Variants in MDFIC observed in about 807,000 individuals in gnomAD.
MDFIC encodes the protein MyoD family inhibitor domain containing.
In MDFIC, 17 loss-of-function variants were observed where a neutral mutation model predicts 23.2. The observed-to-expected ratio is 0.73, with a 90% CI of 0.50 to 1.10. The LOEUF (loss-of-function observed/expected upper bound fraction) is 1.10, where lower values mean the gene tolerates loss of function less well. MDFIC is among the 50% of genes least tolerant of loss of function. MDFIC has a pLI of 0.00. For missense variants in MDFIC, 356 were observed against 316.6 expected, an observed-to-expected ratio of 1.12 and a Z score of -0.95; for synonymous variants, 120 against 115.2, an observed-to-expected ratio of 1.04 and a Z score of -0.27.
intron 2 of MDFIC, among the ~76,000 whole-genome samples, chr7:114,938,459 C>G (rs1424964661): frequency 6.6e-6 from 1 of 152,072 alleles, no homozygotes; most frequent in East Asian, 1.9e-4. Flanking sequence ...TAAGAGTTCA[C>G]TTAGAATAGT....
chr7:115,003,236 A>T (rs372269758), intron 4 of MDFIC, among the ~76,000 whole-genome samples: 2 of 152,118 alleles, frequency 1.3e-5, no homozygotes, highest in Admixed American at 6.5e-5. Flanking sequence ...CACTGAGTAC[A>T]TTCTTCCTGG....
intron 2 of MDFIC, among the ~76,000 whole-genome samples, chr7:114,930,604 T>A (rs1168431445): frequency 6.6e-6 from 1 of 152,208 alleles, no homozygotes; most frequent in Non-Finnish European, 1.5e-5. Flanking sequence ...CTGGATCTTG[T>A]TGAGATGATT....
chr7:114,928,780 A>G (rs180907554), intron 2 of MDFIC, among the ~76,000 whole-genome samples: 2 of 152,164 alleles, frequency 1.3e-5, no homozygotes, highest in African/African-American at 4.8e-5. Flanking sequence ...AGTTCATAGA[A>G]TGGTTTTGGA....
At chr7:114,972,663 C>T (rs1307358514) in intron 3 of MDFIC, among the ~76,000 whole-genome samples, 1 of 152,148 alleles carries the variant, frequency 6.6e-6, no homozygotes. Flanking sequence ...GGATCTCCGT[C>T]TGTCACTCAG....
chr7:115,007,612 T>A (rs1359597063), intron 4 of MDFIC, among the ~76,000 whole-genome samples: 1 of 139,612 alleles, frequency 7.2e-6, no homozygotes, highest in Non-Finnish European at 1.5e-5. Flanking sequence ...TATCTATCTA[T>A]CTAGTGTGCG....
At chr7:114,967,644 T>G (rs1457992852) in intron 3 of MDFIC, among the ~76,000 whole-genome samples, 1 of 152,104 alleles carries the variant, frequency 6.6e-6, no homozygotes, top group Non-Finnish European at 1.5e-5. Flanking sequence ...GTAATATCCC[T>G]TATTCCAAGA....
At chr7:114,996,843 A>T (rs1020413854) in intron 4 of MDFIC, among the ~76,000 whole-genome samples, 1 of 152,226 alleles carries the variant, frequency 6.6e-6, no homozygotes, top group African/African-American at 2.4e-5. Flanking sequence ...GAACATAGAT[A>T]AAGTGCAAAA....
At chr7:115,007,634 A>G (rs1222766382) in intron 4 of MDFIC, among the ~76,000 whole-genome samples, 7 of 8,758 alleles carry the variant, frequency 8.0e-4, no homozygotes, top group African/African-American at 1.0e-3. Flanking sequence ...GTGTGTGTAT[A>G]TATATATATA....
At chr7:114,989,250 G>C (rs751688410) in intron 4 of MDFIC, among the ~76,000 whole-genome samples, 1 of 152,138 alleles carries the variant, frequency 6.6e-6, no homozygotes, top group Non-Finnish European at 1.5e-5. Context: ...ATTGATGACA[G>C]GTTCAGTAAA....
intron 3 of MDFIC, among the ~76,000 whole-genome samples, chr7:114,978,038 A>C (rs113837032): frequency 8.0e-5 from 12 of 149,338 alleles, no homozygotes; most frequent in African/African-American, 2.9e-4. Context: ...ATAATAAAAT[A>C]ATTATGCATA....
chr7:114,970,703 T>C (rs1793189136), intron 3 of MDFIC, among the ~76,000 whole-genome samples: 1 of 152,166 alleles, frequency 6.6e-6, no homozygotes, highest in Admixed American at 6.6e-5. Flanking sequence ...CAGTCTTCAA[T>C]AGTTCAATCT....
At chr7:114,994,870 A>G (rs1791288008) in intron 4 of MDFIC, among the ~76,000 whole-genome samples, 1 of 152,022 alleles carries the variant, frequency 6.6e-6, no homozygotes, top group Admixed American at 6.6e-5. Flanking sequence ...CATTCTCTGT[A>G]TTTCCTGAAT....
intron 2 of MDFIC, among the ~76,000 whole-genome samples, chr7:114,932,867 T>G (rs2115713320): frequency 6.6e-6 from 1 of 152,350 alleles, no homozygotes; most frequent in South Asian, 2.1e-4. Context: ...GTCCCAGAAT[T>G]CAATTTCAGT....
intron 3 of MDFIC, among the ~76,000 whole-genome samples, chr7:114,966,378 C>T (rs919591424): frequency 1.4e-5 from 2 of 146,824 alleles, no homozygotes; most frequent in African/African-American, 5.1e-5. Flanking sequence ...GTTCATTGTG[C>T]TCACTCTGAT....
At chr7:115,012,112 T>C (rs980247740) in intron 4 of MDFIC, among the ~76,000 whole-genome samples, 1 of 152,232 alleles carries the variant, frequency 6.6e-6, no homozygotes, top group Non-Finnish European at 1.5e-5. Context: ...AAAAGTTAAC[T>C]TATCTCCCTT....
intron 2 of MDFIC, chr7:114,923,763 C>T (rs1419055460): frequency 2.4e-6 from 2 of 828,480 alleles, no homozygotes; most frequent in Admixed American, 3.9e-5. Context: ...AGCTTCTAAA[C>T]GAGTTGAACC....
At chr7:114,948,930 T>C (rs1202628316) in intron 3 of MDFIC, among the ~76,000 whole-genome samples, 2 of 152,188 alleles carry the variant, frequency 1.3e-5, no homozygotes, top group Non-Finnish European at 2.9e-5. Context: ...TTTCTATGTA[T>C]ACTTCTCTGT....
intron 2 of MDFIC, among the ~76,000 whole-genome samples, chr7:114,934,934 T>C (rs1408392196): frequency 1.3e-5 from 2 of 152,154 alleles, no homozygotes; most frequent in Non-Finnish European, 2.9e-5. Context: ...TTTGTTTTTT[T>C]TGTTTTTGGA....
intron 2 of MDFIC, chr7:114,933,984 T>G (rs927552773): frequency 9.2e-5 from 14 of 152,228 alleles, no homozygotes; most frequent in Non-Finnish European, 8.8e-5. Context: ...CTGTAAGTAT[T>G]CATACCTACA....
Sources: gnomAD v4.1 joint callset for allele counts (sites outside exome capture counted in the v4.1 genomes callset) on GRCh38, gnomAD v4.1.1 for gene constraint, MANE v1.5 for transcripts, NCBI Gene and HGNC (gene_info 2026-07-23, HGNC 2026-07-21) for gene names.